FIBCD1: variants seen among roughly 807,000 people sequenced by gnomAD.
FIBCD1 encodes the protein fibrinogen C domain containing 1, also known as fibrinogen C domain-containing protein 1.
In FIBCD1, 47 loss-of-function variants were observed where a neutral mutation model predicts 45.1. The observed-to-expected ratio is 1.04, with a 90% CI of 0.82 to 1.33. The LOEUF is 1.33. FIBCD1 is among the 40% of genes most tolerant of loss of function. The pLI, the probability that FIBCD1 is intolerant of heterozygous loss-of-function variation, is 0.00. For missense variants in FIBCD1, 653 were observed against 682.2 expected (o/e 0.96, Z 0.48); for synonymous variants, 313 against 308.1 (o/e 1.02, Z -0.17).
chr9:130,914,099 C>T (rs1832113774), intron 4 of FIBCD1, among the ~76,000 whole-genome samples: 1 of 152,140 alleles, frequency 6.6e-6, no homozygotes, highest in Non-Finnish European at 1.5e-5. Context: ...TAAGCTCAGG[C>T]CTGGCACATA....
Position 130,937,479 on chromosome 9 carries a change from C to T in FIBCD1, c.72+1057G>A, listed in dbSNP as rs1160733992. ...TTTGCAAACCGCAGAGGGCTGGGCC[C>T]TTGTGCCACGGCAGTGTCACACCAG... On this transcript the variant is annotated intron_variant, in intron 1 of 6. Transcript: ENST00000372338. 3.9e-5 allele frequency among the ~76,000 whole-genome samples: 6 copies of T among 152,324 alleles called. No individual in the cohort carries two copies. The East Asian group carries it at 7.7e-4, about 20-fold the overall frequency.
Position 130,911,903 on chromosome 9 carries a change from T to G in FIBCD1, c.850-15A>C, listed in dbSNP as rs772166026. On this transcript the variant is annotated splice_polypyrimidine_tract_variant and intron_variant, in intron 4 of 6. Coordinates refer to ENST00000372338, the MANE Select transcript of FIBCD1 (RefSeq NM_032843.5). ...CGCTGAAACACCTGCAAAGGGAAGA[T>G]GGGGATGGGGCGTTGGCACCGACCA... 5.8e-6 allele frequency: 9 copies of G among 1,559,664 alleles called. No individual in the cohort carries two copies. In the African/African-American group the frequency reaches 8.2e-5, roughly 14 times the overall value.
chr9:130,923,967 G>A, intron 3 of FIBCD1, 87 bp from the exon 4 acceptor site: 1 of 1,581,994 alleles, frequency 6.3e-7, no homozygotes. Flanking sequence ...CATCGATAAT[G>A]CATGTGGGGT....
At chr9:130,930,743 C>T (rs1467611057) in intron 1 of FIBCD1, 2 of 455,646 alleles carry the variant, frequency 4.4e-6, no homozygotes, top group African/African-American at 4.0e-5. Flanking sequence ...CTGCATTTCC[C>T]ACAGTGTGAC....
At chr9:130,915,993 G>A (rs769762229) in intron 4 of FIBCD1, among the ~76,000 whole-genome samples, 32 of 152,166 alleles carry the variant, frequency 2.1e-4, no homozygotes, top group Non-Finnish European at 4.4e-4. Flanking sequence ...GCGGTGGCAC[G>A]ATCTCAGCTC....
chr9:130,939,580 G>A (rs934252620), upstream of FIBCD1, among the ~76,000 whole-genome samples: 2 of 151,994 alleles, frequency 1.3e-5, no homozygotes, highest in Admixed American at 6.6e-5. Flanking sequence ...CGGCCCGTGG[G>A]CGAAATGGGG....
chr9:130,929,669 T>C lies in FIBCD1; in HGVS notation c.450A>G (p.Arg150=). The C allele has an allele frequency of 1.9e-6, 3 of 1,602,340 alleles. No homozygotes were observed. The highest frequency in any genetic ancestry group is 2.6e-6 in the Non-Finnish European group (3 of 1,175,300). The change falls in exon 2 of 7, where the codon CGA becomes CGG. Residue 150 remains arginine, a synonymous_variant. Transcript: ENST00000372338. Reference sequence around the variant, plus strand: ...TGCACTCCGTCTGCAGCTCTGAGGCTCGGGCCAGCAGCCGGGGCAGCTGGT... The same window carrying C: ...TGCACTCCGTCTGCAGCTCTGAGGCCCGGGCCAGCAGCCGGGGCAGCTGGT... ...LADQLPRLLA[R]ASELQTECMG...
intron 4 of FIBCD1, among the ~76,000 whole-genome samples, chr9:130,923,405 C>T (rs1428511188): frequency 1.3e-5 from 2 of 152,196 alleles, no homozygotes; most frequent in Non-Finnish European, 2.9e-5. Context: ...CTGGAACCCA[C>T]GTTAGCAACA....
At chr9:130,905,471 G>C in intron 5 of FIBCD1, 58 bp from the exon 6 acceptor site, 2 of 1,520,598 alleles carry the variant, frequency 1.3e-6, no homozygotes, top group Non-Finnish European at 1.8e-6. Flanking sequence ...CGACTCCCCA[G>C]GGAGAAATGA....
chr9:130,911,801 G>A lies in FIBCD1; in HGVS notation c.937C>T (p.His313Tyr), dbSNP rs749270628. Residue 313 changes from histidine to tyrosine, a missense_variant, in exon 5 of 7, where the codon CAC becomes TAC. Physicochemically the swap from His to Tyr is moderately conservative, Grantham distance 83. Coordinates refer to ENST00000372338, the MANE Select transcript of FIBCD1 (RefSeq NM_032843.5). The stretch of plus-strand genomic sequence containing the variant: ...TGGGTGGGGTGCTCACCTAGCCAGT[G>A]CTCCCCGGTGAGCCTGCCAAAGCCG... The part of the protein sequence containing the change: ...RDGFGRLTGE[H>Y]WLGLKRIHAL... The A allele has an allele frequency of 3.1e-6, 5 of 1,600,488 alleles. No individual in the cohort carries two copies. The highest frequency in any genetic ancestry group is 2.7e-5 in the African/African-American group (2 of 74,386).
At chr9:130,910,371 C>G (rs1012983009) in intron 5 of FIBCD1, among the ~76,000 whole-genome samples, 1 of 152,220 alleles carries the variant, frequency 6.6e-6, no homozygotes, top group East Asian at 1.9e-4. Flanking sequence ...GGCCAGGGCT[C>G]GGGACCTGCA....
chr9:130,930,463 C>CGCGGGGAGACGCGGGGAGAT (rs1564340973), intron 1 of FIBCD1, among the ~76,000 whole-genome samples: 5 of 151,056 alleles, frequency 3.3e-5, no homozygotes, highest in Admixed American at 2.0e-4. Context: ...CGCAGGGAGA[C>CGCGGGGAGACGCGGGGAGAT]GCGGGGAGAT....
chr9:130,920,550 G>A (rs939104169), intron 4 of FIBCD1, among the ~76,000 whole-genome samples: 5 of 152,120 alleles, frequency 3.3e-5, no homozygotes. Flanking sequence ...GTGCAGGTGC[G>A]GTGCCCACCC....
rs1832371440 is a variant in FIBCD1 at position 130,926,907 on chromosome 9, C to T, written c.553-2511G>A. Among the ~76,000 whole-genome samples the T allele has an allele frequency of 6.6e-6, 1 of 152,126 alleles. No individual in the cohort carries two copies. Among genetic ancestry groups the T allele is most frequent in the Non-Finnish European group, 1.5e-5 (1 of 68,022 alleles). On this transcript the variant is annotated intron_variant, in intron 2 of 6. Transcript: ENST00000372338. The surrounding 1 kb of genome is among the most constrained non-coding windows in gnomAD (Gnocchi z 4.1). ...CTGGCGTTATGGGGCTGCAAAGTGC[C>T]TATTAACGCGGAGCCCAGCACATGG...
intron 1 of FIBCD1, 72 bp from the exon 2 acceptor site, chr9:130,930,118 T>C (rs1487984955): frequency 6.9e-7 from 1 of 1,451,318 alleles, no homozygotes; most frequent in Non-Finnish European, 9.0e-7. Context: ...ATTAGAGGCA[T>C]ACCTGGGGTC....
At chr9:130,924,954 C>T (rs551939487) in intron 2 of FIBCD1, among the ~76,000 whole-genome samples, 18 of 152,148 alleles carry the variant, frequency 1.2e-4, no homozygotes, top group Non-Finnish European at 2.5e-4. Context: ...CCCACAGCAC[C>T]TTCCAGGCTA....
At chr9:130,914,391 C>A (rs1832119400) in intron 4 of FIBCD1, among the ~76,000 whole-genome samples, 1 of 152,236 alleles carries the variant, frequency 6.6e-6, no homozygotes, top group South Asian at 2.1e-4. Context: ...GCTCAGGGGA[C>A]CCCAACCGTG....
intron 3 of FIBCD1, 51 bp downstream of exon 3, chr9:130,924,186 C>A: frequency 1.3e-6 from 2 of 1,506,520 alleles, no homozygotes; most frequent in Admixed American, 2.2e-5. Context: ...TCCCCGCTCC[C>A]CAGAGCTGGG....
chr9:130,905,855 AC>A (rs1831918809), intron 5 of FIBCD1, among the ~76,000 whole-genome samples: 1 of 152,038 alleles, frequency 6.6e-6, no homozygotes, highest in African/African-American at 2.4e-5. Flanking sequence ...TCACTTGGTT[AC>A]CTTCTATTCA....
Sources: allele counts gnomAD v4.1 joint callset (sites outside exome capture counted in the v4.1 genomes callset), GRCh38; gene constraint gnomAD v4.1.1; non-coding constraint Gnocchi (gnomAD v3.1); transcripts MANE v1.5; gene names NCBI Gene and HGNC (gene_info 2026-07-23, HGNC 2026-07-21).